Variants in MICAL3 observed in about 807,000 individuals in gnomAD.
MICAL3 encodes the protein microtubule associated monooxygenase, calponin and LIM domain containing 3.
A neutral mutation model predicts 207.4 loss-of-function variants in MICAL3; 62 were observed. That is an observed-to-expected ratio of 0.30 (90% CI 0.24 to 0.37). The LOEUF (loss-of-function observed/expected upper bound fraction) is 0.37, where lower values mean the gene tolerates loss of function less well. Among genes scored for constraint, MICAL3 ranks in the 10% least tolerant of loss-of-function variants. MICAL3 has a pLI of 1.00. For synonymous variants in MICAL3, 1,077 were observed against 1,069.3 expected (o/e 1.01, Z -0.14); for missense variants, 2,368 against 2,635.6 (o/e 0.90, Z 2.22).
At chr22:18,000,896 G>A (rs1233057072) in intron 1 of MICAL3, among the ~76,000 whole-genome samples, 2 of 152,198 alleles carry the variant, frequency 1.3e-5, no homozygotes, top group African/African-American at 2.4e-5. Context: ...GCGGAGGCAG[G>A]ACCCGGCGGA....
At chr22:17,817,221 T>G in intron 26 of MICAL3, 90 bp downstream of exon 26, 1 of 1,412,886 alleles carries the variant, frequency 7.1e-7, no homozygotes, top group Non-Finnish European at 9.4e-7. Context: ...GCGGGGAGCG[T>G]GTGAGTGTGG....
chr22:17,855,231 G>T (rs143874126), intron 19 of MICAL3, among the ~76,000 whole-genome samples: 24 of 152,216 alleles, frequency 1.6e-4, no homozygotes, highest in African/African-American at 5.3e-4. Flanking sequence ...AGCCTGAGTA[G>T]ATCAGAATGT....
chr22:17,945,345 C>T (rs903185418), intron 1 of MICAL3, among the ~76,000 whole-genome samples: 5 of 152,196 alleles, frequency 3.3e-5, no homozygotes, highest in Non-Finnish European at 5.9e-5. Context: ...AATAGGGCAC[C>T]TTGGGCGCTG....
intron 1 of MICAL3, among the ~76,000 whole-genome samples, chr22:17,967,862 T>G (rs546594952): frequency 1.4e-5 from 1 of 72,406 alleles, no homozygotes; most frequent in African/African-American, 5.8e-5. Flanking sequence ...CTGACCAACA[T>G]GGTGAAACCC....
At chr22:17,869,847 T>C (rs552181310) in intron 17 of MICAL3, among the ~76,000 whole-genome samples, 1 of 152,292 alleles carries the variant, frequency 6.6e-6, no homozygotes, top group South Asian at 2.1e-4. Flanking sequence ...AGTTACTTAA[T>C]GGGGTTGTTG....
At chr22:17,880,802 C>T (rs907065475) in intron 16 of MICAL3, among the ~76,000 whole-genome samples, 2 of 152,198 alleles carry the variant, frequency 1.3e-5, no homozygotes, top group African/African-American at 4.8e-5. Context: ...ACGAAACTCA[C>T]GTGGAGAAGC....
At chr22:17,877,522 G>GGGAGGTTAGGGAAGTTAT (rs1928925803) in intron 16 of MICAL3, among the ~76,000 whole-genome samples, 1 of 51,708 alleles carries the variant, frequency 1.9e-5, no homozygotes, top group Non-Finnish European at 4.0e-5. Context: ...AGGGAGGTTA[G>GGGAGGTTAGGGAAGTTAT]GGAGGTGAGG....
chr22:17,944,543 C>G (rs1268049868), intron 1 of MICAL3, among the ~76,000 whole-genome samples: 1 of 152,182 alleles, frequency 6.6e-6, no homozygotes, highest in East Asian at 1.9e-4. Flanking sequence ...CTCCGCTTTG[C>G]TAATGGCACA....
intron 1 of MICAL3, among the ~76,000 whole-genome samples, chr22:17,956,520 T>G (rs1398881223): frequency 2.6e-5 from 4 of 151,982 alleles, no homozygotes; most frequent in African/African-American, 9.7e-5. Context: ...AAATACAAAA[T>G]TAGCCAGGTG....
intron 1 of MICAL3, among the ~76,000 whole-genome samples, chr22:17,976,447 T>C (rs962874139): frequency 1.3e-5 from 2 of 151,940 alleles, no homozygotes; most frequent in South Asian, 4.2e-4. Context: ...CCAATCACTG[T>C]GTTCAGCAGT....
At chr22:17,997,571 C>G (rs1022839878) in intron 1 of MICAL3, among the ~76,000 whole-genome samples, 19 of 152,074 alleles carry the variant, frequency 1.2e-4, no homozygotes, top group Non-Finnish European at 2.9e-5. Flanking sequence ...CAGCAGCAGG[C>G]GTCAGGGCTC....
chr22:17,832,682 G>A (rs1331535149), intron 20 of MICAL3, among the ~76,000 whole-genome samples: 1 of 152,110 alleles, frequency 6.6e-6, no homozygotes, highest in African/African-American at 2.4e-5. Context: ...CTAGTTAGAG[G>A]AACTCAATTC....
chr22:17,936,083 C>A (rs1259716434), intron 1 of MICAL3, among the ~76,000 whole-genome samples: 4 of 152,144 alleles, frequency 2.6e-5, no homozygotes. Context: ...TGGGTATATA[C>A]CCAAAAGATT....
chr22:17,828,279 C>T (rs946990866), intron 21 of MICAL3, among the ~76,000 whole-genome samples: 1 of 152,256 alleles, frequency 6.6e-6, no homozygotes, highest in Admixed American at 6.5e-5. Context: ...CAGCTGATGG[C>T]CAGGTGACGA....
At position 17,810,809 on chromosome 22, in the gene MICAL3, C is replaced by T; in HGVS notation, c.5450G>A (p.Arg1817Lys). ...ATTCAGTTCCTCCTCCGTGTAGGTT[C>T]TTGGCTGGAGAGAACAAGAGAAACT... is the stretch of plus-strand genomic sequence containing the variant. ...KSSQKSRREP[R>K]TYTEEELNAK... The change falls in exon 28 of 32, where the codon AGA (arginine) becomes AAA (lysine). Residue 1817 changes from arginine to lysine, a missense_variant. Transcript: ENST00000441493. 1 of 1,613,670 alleles carries T rather than the reference C, an allele frequency of 6.2e-7. No homozygotes were observed. Among genetic ancestry groups the T allele is most frequent in the Non-Finnish European group, 8.5e-7 (1 of 1,179,664 alleles).
In MICAL3 at chr22:17,970,081, C is replaced by T. The variant is rs146744866; in HGVS notation, c.-75+54200G>A. Among the ~76,000 whole-genome samples, 422 of 152,296 alleles carry T rather than the reference C, an allele frequency of 2.8e-3. 2 individuals carry two copies. The highest frequency in any genetic ancestry group is 9.8e-3 in the African/African-American group (409 of 41,570). ...GACTGGGCCGTTGCTCCAGCCGCTC[C>T]AGCAGGTTAGCAGGCTCTGTGCCAC... On this transcript the variant is annotated intron_variant, in intron 1 of 31. Transcript: ENST00000441493.
chr22:17,803,033 C>T (rs1011004717), intron 29 of MICAL3, among the ~76,000 whole-genome samples: 1 of 152,190 alleles, frequency 6.6e-6, no homozygotes, highest in Non-Finnish European at 1.5e-5. Context: ...TAGAGGGCAT[C>T]AGAACCCACT....
chr22:17,885,902 T>G lies in MICAL3; in HGVS notation c.2217A>C (p.Ala739=). The change falls in exon 16 of 32, where the codon GCA becomes GCC. Residue 739 remains alanine, a synonymous_variant. Coordinates refer to ENST00000441493, the MANE Select transcript of MICAL3 (RefSeq NM_015241.3). ...LLAKFEENAP[A]QSIGIRRQGS... is the part of the protein sequence containing the mutation. ...CCTGTCTCCGTATGCCGATGGACTG[T>G]GCGGGCGCATTCTCTTCAAATTTGG... 6.2e-7 allele frequency: 1 copy of G among 1,614,014 alleles called. No homozygotes were observed. The highest frequency in any genetic ancestry group is 2.2e-5 in the East Asian group (1 of 44,882).
intron 22 of MICAL3, 140 bp downstream of exon 22, chr22:17,827,504 G>T: frequency 1.2e-6 from 1 of 812,574 alleles, no homozygotes; most frequent in Non-Finnish European, 1.8e-6. Context: ...ACAACTGACA[G>T]CAGCAAAGCG....
Sources: allele counts gnomAD v4.1 joint callset (sites outside exome capture counted in the v4.1 genomes callset), GRCh38; gene constraint gnomAD v4.1.1; transcripts MANE v1.5; gene names NCBI Gene and HGNC (gene_info 2026-07-23, HGNC 2026-07-21).